BIRC6: variants seen among roughly 807,000 people sequenced by gnomAD.
BIRC6 encodes the protein baculoviral IAP repeat containing 6, also known as dual E2 ubiquitin-conjugating enzyme/E3 ubiquitin-protein ligase BIRC6.
BIRC6 carries 98 observed loss-of-function variants against 503.3 expected under a neutral mutation model. That is an observed-to-expected ratio of 0.19 (90% CI 0.17 to 0.23). BIRC6 has a LOEUF of 0.23. Among genes scored for constraint, BIRC6 ranks in the 10% least tolerant of loss-of-function variants. The pLI, the probability that BIRC6 is intolerant of heterozygous loss-of-function variation, is 1.00. For missense variants in BIRC6, 5,360 were observed against 5,806.0 expected (o/e 0.92, Z 2.50); for synonymous variants, 2,240 against 2,078.7 (o/e 1.08, Z -2.11).
chr2:32,430,800 G>A (rs543918040), intron 11 of BIRC6, 65 bp from the exon 12 acceptor site: 317 of 1,073,270 alleles, frequency 3.0e-4, no homozygotes, highest in Non-Finnish European at 3.9e-4. Flanking sequence ...TCACTTCATT[G>A]TCTTCTTTTT....
Position 32,508,035 on chromosome 2 carries a change from T to C in BIRC6, c.9756T>C (p.Pro3252=). ...GTGCAGATGGGGTAAATATGCTACC[T>C]TTGTCCACTCCTGTTGTCACAAGTG... is the stretch of plus-strand genomic sequence containing the variant. The part of the protein sequence containing the change: ...EVSADGVNML[P]LSTPVVTSGL... The change falls in exon 51 of 74, where the codon CCT becomes CCC. Residue 3252 remains proline (P), a synonymous_variant. Transcript: ENST00000421745. 6.2e-7 allele frequency: 1 copy of C among 1,613,962 alleles called. No individual in the cohort carries two copies. Among genetic ancestry groups the C allele is most frequent in the Non-Finnish European group, 8.5e-7 (1 of 1,179,874 alleles).
Position 32,464,746 on chromosome 2 carries a change from C to G in BIRC6, c.5179C>G (p.Leu1727Val), listed in dbSNP as rs765022368. 3 of 1,614,038 alleles carry G rather than the reference C, an allele frequency of 1.9e-6. No individual in the cohort carries two copies. Among genetic ancestry groups the G allele is most frequent in the South Asian group, 2.2e-5 (2 of 91,092 alleles). ...TGTGATTAATGCCGAACTTGCACAG[C>G]TTTTCCCAGGCTCAGTCATTGATCC... ...SVVINAELAQ[L>V]FPGSVIDPPA... The change falls in exon 25 of 74, where the codon CTT becomes GTT. Residue 1727 changes from leucine (L) to valine (V), a missense_variant. This residue lies in a region of BIRC6 where 2,299 missense variants were observed against 2,267.2 expected (regional missense o/e 1.01). Coordinates refer to ENST00000421745, the MANE Select transcript of BIRC6 (RefSeq NM_016252.4).
Position 32,549,381 on chromosome 2 carries a change from T to C in BIRC6, c.13044T>C (p.Thr4348=), listed in dbSNP as rs867655734. 12 of 1,515,914 alleles carry C rather than the reference T, an allele frequency of 7.9e-6. No homozygotes were observed. The Middle Eastern group carries it at 1.9e-3, about 246-fold the overall frequency. 93.9% of individuals were successfully genotyped at this position (1,515,914 alleles called of 1,614,324 possible). Residue 4348 remains threonine (T), a synonymous_variant, in exon 65 of 74, where the codon ACT becomes ACC. Coordinates refer to ENST00000421745, the MANE Select transcript of BIRC6 (RefSeq NM_016252.4). ...GAGAAGCTCAGTCATCTCATGAGACTAGAGGGCAGAACAGTAATGCCCTTC... is the reference window on the plus strand; with the variant it reads ...GAGAAGCTCAGTCATCTCATGAGACCAGAGGGCAGAACAGTAATGCCCTTC... ...VNGEAQSSHE[T]RGQNSNALPS... is the part of the protein sequence containing the mutation.
chr2:32,466,335 A>T (rs1304672300), intron 26 of BIRC6, among the ~76,000 whole-genome samples: 1 of 152,196 alleles, frequency 6.6e-6, no homozygotes, highest in Non-Finnish European at 1.5e-5. Flanking sequence ...ATGTGGGTGA[A>T]ATGAGGGATG....
At chr2:32,489,743 AG>A (rs2051462513) in intron 42 of BIRC6, among the ~76,000 whole-genome samples, 1 of 152,152 alleles carries the variant, frequency 6.6e-6, no homozygotes, top group Non-Finnish European at 1.5e-5. Context: ...GAGGATTTTT[AG>A]TAAATTGTAT....
chr2:32,594,296 C>T (rs2061549235), intron 67 of BIRC6: 3 of 348,416 alleles, frequency 8.6e-6, no homozygotes, highest in East Asian at 9.4e-5. Flanking sequence ...TGAGAACATA[C>T]ATTATAAATA....
At chr2:32,385,075 G>A (rs1051145866) in intron 3 of BIRC6, among the ~76,000 whole-genome samples, 8 of 152,270 alleles carry the variant, frequency 5.3e-5, no homozygotes, top group Admixed American at 2.6e-4. Flanking sequence ...TACAAGAACA[G>A]TCATACATAC....
At chr2:32,400,244 T>C (rs1055351914) in intron 6 of BIRC6, among the ~76,000 whole-genome samples, 1 of 152,072 alleles carries the variant, frequency 6.6e-6, no homozygotes, top group Non-Finnish European at 1.5e-5. Context: ...GTTATTTGTC[T>C]GATTTGATCC....
intron 66 of BIRC6, among the ~76,000 whole-genome samples, chr2:32,579,287 A>T (rs1301500743): frequency 1.3e-5 from 2 of 151,990 alleles, no homozygotes; most frequent in East Asian, 3.9e-4. Context: ...TCTATCTTGA[A>T]ATCTATCCTG....
chr2:32,397,693 TAC>T lies in BIRC6; in HGVS notation c.1034+2120_1034+2121del, dbSNP rs148310332. ...ATATATACACACACACATATATATG[TAC>T]ACACACACACACACACACATATATA... is the stretch of plus-strand genomic sequence containing the variant. On this transcript the variant is annotated intron_variant, in intron 6 of 73. Transcript: ENST00000421745. Among the ~76,000 whole-genome samples the T allele has an allele frequency of 1.8e-3, 259 of 144,620 alleles. 1 individual carries two copies. In the East Asian group the frequency reaches 0.033, roughly 18 times the overall value. The allele number at this position is 144,620 out of a possible 152,430, so 94.9% of individuals were successfully genotyped here.
chr2:32,557,285 C>A (rs2058850405), intron 65 of BIRC6: 1 of 152,178 alleles, frequency 6.6e-6, no homozygotes, highest in Admixed American at 6.5e-5. Context: ...CTAAATTTCC[C>A]TTTCCTGTAT....
Position 32,617,811 on chromosome 2 carries a change from G to C in BIRC6, c.14481G>C (p.Val4827=). Residue 4827 remains valine, a synonymous_variant, in exon 74 of 74, where the codon GTG becomes GTC. Transcript: ENST00000421745. ...CTGACACTGACGATGCCCCAGAGGTGTGCAGAGCCACAACAGGTGCTGAGG... is the reference window on the plus strand; with the variant it reads ...CTGACACTGACGATGCCCCAGAGGTCTGCAGAGCCACAACAGGTGCTGAGG... ...LDPDTDDAPE[V]CRATTGAEET... is the part of the protein sequence containing the mutation. The C allele has an allele frequency of 3.1e-6, 5 of 1,614,004 alleles. No individual in the cohort carries two copies. The highest frequency in any genetic ancestry group is 4.2e-6 in the Non-Finnish European group (5 of 1,179,892).
At chr2:32,501,217 G>C (rs944699565) in intron 46 of BIRC6, among the ~76,000 whole-genome samples, 1 of 151,792 alleles carries the variant, frequency 6.6e-6, no homozygotes, top group Non-Finnish European at 1.5e-5. Flanking sequence ...TTTTTTCTTT[G>C]TCAGTGTGTG....
In BIRC6 at chr2:32,485,701, G is replaced by T; in HGVS notation, c.7755G>T (p.Met2585Ile). 6.2e-7 allele frequency: 1 copy of T among 1,613,778 alleles called. No homozygotes were observed. The highest frequency in any genetic ancestry group is 1.1e-5 in the South Asian group (1 of 91,054). The change falls in exon 40 of 74, where the codon ATG becomes ATT. Residue 2585 changes from methionine to isoleucine, a missense_variant. Physicochemically the swap from Met to Ile is conservative, Grantham distance 10. Coordinates refer to ENST00000421745, the MANE Select transcript of BIRC6 (RefSeq NM_016252.4). ...AGCAAGCAGAACTGATGTTGAAAATGATGTCTACTCTGGAGGCAGATTCCA... is the reference window on the plus strand; with the variant it reads ...AGCAAGCAGAACTGATGTTGAAAATTATGTCTACTCTGGAGGCAGATTCCA... Reference protein sequence around the residue: ...LEQQAELMLKMMSTLEADSIL... With the variant: ...LEQQAELMLKIMSTLEADSIL...
intron 33 of BIRC6, among the ~76,000 whole-genome samples, chr2:32,473,819 C>G (rs1453923737): frequency 7.5e-6 from 1 of 133,236 alleles, no homozygotes; most frequent in East Asian, 2.5e-4. Context: ...GTGGAACAAT[C>G]ATAGTTCACT....
At chr2:32,612,083 T>C (rs749019455) in intron 73 of BIRC6, among the ~76,000 whole-genome samples, 2 of 152,112 alleles carry the variant, frequency 1.3e-5, no homozygotes, top group Non-Finnish European at 2.9e-5. Context: ...GGTCTCACCC[T>C]GTTTCCTAGG....
intron 6 of BIRC6, among the ~76,000 whole-genome samples, chr2:32,398,559 T>TA (rs1300902812): frequency 6.6e-6 from 1 of 152,226 alleles, no homozygotes; most frequent in Non-Finnish European, 1.5e-5. Context: ...TTTTCATACA[T>TA]ACTTCCACAT....
Position 32,515,052 on chromosome 2 carries a change from G to A in BIRC6, c.10631G>A (p.Ser3544Asn). 1 of 1,613,930 alleles carries A rather than the reference G, an allele frequency of 6.2e-7. No individual in the cohort carries two copies. Among genetic ancestry groups the A allele is most frequent in the Non-Finnish European group, 8.5e-7 (1 of 1,179,864 alleles). The change falls in exon 55 of 74, where the codon AGT (serine) becomes AAT (asparagine). Residue 3544 changes from serine to asparagine, a missense_variant. Transcript: ENST00000421745. ...ATGGTTTTGAAGAAAGCTGTTGACA[G>A]TCTACTTTGCTCAATGTGTCACGTA... ...CNMVLKKAVD[S>N]LLCSMCHVHP...
At chr2:32,570,924 A>C (rs770585995) in intron 65 of BIRC6, among the ~76,000 whole-genome samples, 1 of 152,098 alleles carries the variant, frequency 6.6e-6, no homozygotes, top group South Asian at 2.1e-4. Flanking sequence ...TAGCCTCCCA[A>C]GTAGCTGGGA....
Sources: gnomAD v4.1 joint callset for allele counts (sites outside exome capture counted in the v4.1 genomes callset) on GRCh38, gnomAD v4.1.1 for gene constraint, gnomAD v4.1.1 regional missense constraint, MANE v1.5 for transcripts, NCBI Gene and HGNC (gene_info 2026-07-23, HGNC 2026-07-21) for gene names.